Variants in COMMD10 observed in about 807,000 individuals in gnomAD.
COMMD10 encodes COMM domain-containing protein 10.
In COMMD10, 33 loss-of-function variants were observed where a neutral mutation model predicts 28.9. That is an observed-to-expected ratio of 1.14 (90% CI 0.87 to 1.53). COMMD10 has a LOEUF of 1.53. Ranked by LOEUF, COMMD10 falls within the 40% of genes most tolerant of loss-of-function variation. The pLI is 0.00. For missense variants in COMMD10, 310 were observed against 233.4 expected, an observed-to-expected ratio of 1.33 and a Z score of -2.14; for synonymous variants, 110 against 81.7, an observed-to-expected ratio of 1.35 and a Z score of -1.87.
At chr5:116,172,355 T>C (rs4533930) in intron 5 of COMMD10, among the ~76,000 whole-genome samples, 3,297 of 152,158 alleles carry the variant, frequency 0.022, 119 homozygotes, top group African/African-American at 0.076. Context: ...AGCGAGTGAT[T>C]ATATGAAGAA....
chr5:116,216,512 A>T (rs1749104184), intron 5 of COMMD10, among the ~76,000 whole-genome samples: 1 of 152,084 alleles, frequency 6.6e-6, no homozygotes, highest in African/African-American at 2.4e-5. Context: ...CATGTCTAGC[A>T]TAGAAATTTC....
intron 5 of COMMD10, among the ~76,000 whole-genome samples, chr5:116,231,589 G>T (rs1414005449): frequency 6.7e-6 from 1 of 149,838 alleles, no homozygotes; most frequent in African/African-American, 2.5e-5. Flanking sequence ...TTAGTCTAAT[G>T]ACAAACTTAT....
rs139093994 is a variant in COMMD10, at chr5:116,200,986, C to CT, written c.510+66814dup. ...TCTGTTGTCCTATGATTAGGTATCA[C>CT]TTTTTTAGTAAGCCTGTGCCTCTTG... On this transcript the variant is annotated intron_variant, in intron 5 of 6. Coordinates refer to ENST00000274458, the MANE Select transcript of COMMD10 (RefSeq NM_016144.4). 7.7e-3 allele frequency among the ~76,000 whole-genome samples: 1,174 copies of CT among 152,208 alleles called. 19 individuals carry two copies. Among genetic ancestry groups the CT allele is most frequent in the African/African-American group, 0.026 (1,100 of 41,516 alleles).
intron 5 of COMMD10, among the ~76,000 whole-genome samples, chr5:116,150,116 A>C (rs11241368): frequency 0.82 from 124,821 of 152,046 alleles, 51,392 homozygotes; most frequent in African/African-American, 0.84. Context: ...AATAGGGAAT[A>C]CTTTCCCCAT....
chr5:116,117,207 CTAATA>C (rs1201280620), intron 4 of COMMD10, among the ~76,000 whole-genome samples: 2 of 151,974 alleles, frequency 1.3e-5, no homozygotes, highest in Admixed American at 6.6e-5. Flanking sequence ...CAGTTTCTGG[CTAATA>C]TGAGTAAGAT....
At chr5:116,155,807 A>T (rs1368843320) in intron 5 of COMMD10, among the ~76,000 whole-genome samples, 1 of 152,068 alleles carries the variant, frequency 6.6e-6, no homozygotes, top group Non-Finnish European at 1.5e-5. Context: ...TGCTTTAAAC[A>T]ATAGGGGTTT....
At chr5:116,111,200 T>G (rs1751030903) in intron 4 of COMMD10, among the ~76,000 whole-genome samples, 1 of 152,142 alleles carries the variant, frequency 6.6e-6, no homozygotes, top group South Asian at 2.1e-4. Flanking sequence ...TCAATTTTGC[T>G]TATCTTTTTA....
At chr5:116,145,209 A>G (rs1245761562) in intron 5 of COMMD10, among the ~76,000 whole-genome samples, 2 of 151,882 alleles carry the variant, frequency 1.3e-5, no homozygotes, top group African/African-American at 4.8e-5. Flanking sequence ...ATATTGGACA[A>G]TTGAACAAAC....
At chr5:116,212,464 A>G (rs950433189) in intron 5 of COMMD10, among the ~76,000 whole-genome samples, 1 of 117,394 alleles carries the variant, frequency 8.5e-6, no homozygotes. Context: ...AATATCAGAA[A>G]TGAGGTTCCA....
intron 5 of COMMD10, among the ~76,000 whole-genome samples, chr5:116,241,557 C>T (rs1580575120): frequency 6.6e-6 from 1 of 151,396 alleles, no homozygotes; most frequent in Non-Finnish European, 1.5e-5. Context: ...TATGGTAAAA[C>T]TCTCTATCCT....
At chr5:116,167,676 T>A (rs1052516411) in intron 5 of COMMD10, among the ~76,000 whole-genome samples, 4 of 152,104 alleles carry the variant, frequency 2.6e-5, no homozygotes, top group African/African-American at 9.7e-5. Context: ...GGGGCCAATA[T>A]TCAACACTCT....
At chr5:116,126,738 C>A (rs950471140) in intron 4 of COMMD10, among the ~76,000 whole-genome samples, 7 of 152,298 alleles carry the variant, frequency 4.6e-5, no homozygotes, top group Non-Finnish European at 1.0e-4. Flanking sequence ...AAAGCTGAAA[C>A]TGGATCCCTT....
chr5:116,213,678 A>G (rs544697401), intron 5 of COMMD10, among the ~76,000 whole-genome samples: 68 of 152,164 alleles, frequency 4.5e-4, no homozygotes, highest in Middle Eastern at 3.4e-3. Context: ...CACTAATTGC[A>G]TATTAGTGAG....
At chr5:116,284,121 G>C (rs1049632434) in intron 5 of COMMD10, among the ~76,000 whole-genome samples, 2 of 151,652 alleles carry the variant, frequency 1.3e-5, no homozygotes, top group African/African-American at 4.9e-5. Context: ...AACAGAGCAA[G>C]ACCCCATCTC....
At chr5:116,274,950 A>G (rs1311113210) in intron 5 of COMMD10, among the ~76,000 whole-genome samples, 3 of 151,754 alleles carry the variant, frequency 2.0e-5, no homozygotes, top group African/African-American at 7.3e-5. Context: ...CTGAGTTTGT[A>G]CATCTAATGG....
At chr5:116,256,761 T>G (rs1750299001) in intron 5 of COMMD10, among the ~76,000 whole-genome samples, 1 of 151,810 alleles carries the variant, frequency 6.6e-6, no homozygotes, top group African/African-American at 2.4e-5. Context: ...TAATTTAATG[T>G]AATATTTTGA....
chr5:116,096,203 G>A (rs551246065), intron 4 of COMMD10, among the ~76,000 whole-genome samples: 1 of 151,914 alleles, frequency 6.6e-6, no homozygotes, highest in South Asian at 2.1e-4. Flanking sequence ...ATTGAGAAAT[G>A]ACTCCTTAAT....
intron 5 of COMMD10, among the ~76,000 whole-genome samples, chr5:116,258,921 C>CT (rs1451806013): frequency 2.0e-5 from 3 of 151,422 alleles, no homozygotes; most frequent in Non-Finnish European, 2.9e-5. Context: ...CCGTTTTATT[C>CT]TTTTTTTCAG....
Position 116,259,440 on chromosome 5 carries a change from C to T in COMMD10, c.511-32077C>T, listed in dbSNP as rs561559789. ...CACTGAGAATTACAATTATATTTAACGTTTTCCTCTGTTTCTTTTACTCTG... is the reference window on the plus strand; with the variant it reads ...CACTGAGAATTACAATTATATTTAATGTTTTCCTCTGTTTCTTTTACTCTG... On this transcript the variant is annotated intron_variant, in intron 5 of 6. Transcript: ENST00000274458. Among the ~76,000 whole-genome samples the T allele has an allele frequency of 7.5e-4, 114 of 151,202 alleles. 1 individual carries two copies. The highest frequency in any genetic ancestry group is 1.3e-3 in the Non-Finnish European group (90 of 67,902).
Sources: allele counts gnomAD v4.1 joint callset (sites outside exome capture counted in the v4.1 genomes callset), GRCh38; gene constraint gnomAD v4.1.1; transcripts MANE v1.5; gene names NCBI Gene and HGNC (gene_info 2026-07-23, HGNC 2026-07-21).